Variants in APOL5 observed in about 807,000 individuals in gnomAD.
The protein encoded by APOL5 is apolipoprotein L5, also known as apolipoprotein L, 5.
In APOL5, 29 loss-of-function variants were observed where a neutral mutation model predicts 35.5. The observed-to-expected ratio is 0.82, with a 90% CI of 0.61 to 1.11. The LOEUF (loss-of-function observed/expected upper bound fraction) is 1.11. Among genes scored for constraint, APOL5 ranks in the 50% most tolerant of loss-of-function variants. The pLI is 0.00. For synonymous variants in APOL5, 188 were observed against 200.2 expected (o/e 0.94, Z 0.51); for missense variants, 514 against 530.4 (o/e 0.97, Z 0.30).
rs1569151552 is a variant in APOL5 at position 35,720,556 on chromosome 22, G to A, written c.56-12G>A. On this transcript the variant is annotated splice_polypyrimidine_tract_variant and intron_variant, in intron 1 of 4. Transcript: ENST00000249044. ...TCAAGAAGAAATGTCCCTGATCCTT[G>A]TCCATCTCCAGGCTTGGGAGAAGGT... The A allele has an allele frequency of 6.2e-7, 1 of 1,613,342 alleles. No individual in the cohort carries two copies. Among genetic ancestry groups the A allele is most frequent in the Non-Finnish European group, 8.5e-7 (1 of 1,179,522 alleles).
In APOL5 at chr22:35,717,915, A is replaced by G. The variant is rs1434744050; in HGVS notation, c.44A>G (p.Lys15Arg). The change falls in exon 1 of 5, where the codon AAG (lysine) becomes AGG (arginine). Residue 15 changes from lysine to arginine, a missense_variant. By Grantham distance (26) the Lys-to-Arg change is conservative. Transcript: ENST00000249044. ...GGAAATTTGCAAGTTCCCGGTTCCA[A>G]GGTGTTACCTGGTAAGTTCTTTTAA... Reference protein sequence around the residue: ...KQGNLQVPGSKVLPGLGEGCK... With the variant: ...KQGNLQVPGSRVLPGLGEGCK... 1 of 1,591,568 alleles carries G rather than the reference A, an allele frequency of 6.3e-7. No homozygotes were observed. The highest frequency in any genetic ancestry group is 8.6e-7 in the Non-Finnish European group (1 of 1,169,248).
chr22:35,709,773 T>C, the APOL5 span, among the ~76,000 whole-genome samples: 3 of 152,182 alleles, frequency 2.0e-5, no homozygotes, highest in Admixed American at 6.5e-5. Flanking sequence ...CTGTCTTCTA[T>C]ATCTTTTTTT....
upstream of APOL5, chr22:35,717,797 A>T: frequency 1.1e-6 from 1 of 919,102 alleles, no homozygotes; most frequent in Non-Finnish European, 1.5e-6. Flanking sequence ...ACTGGGAGAG[A>T]CAGGTTTCAG....
upstream of APOL5, among the ~76,000 whole-genome samples, chr22:35,717,236 AT>A (rs202202252): frequency 0.033 from 1,393 of 42,768 alleles, 51 homozygotes; most frequent in African/African-American, 0.24. Flanking sequence ...AAAAAAAAAA[AT>A]ATATATATAT....
intron 2 of APOL5, among the ~76,000 whole-genome samples, 155 bp downstream of exon 2, chr22:35,720,809 G>A (rs921081646): frequency 2.6e-5 from 4 of 152,156 alleles, no homozygotes; most frequent in African/African-American, 7.2e-5. Context: ...GCAGTGGCAC[G>A]ATCTCGGCTC....
chr22:35,728,362 T>C (rs964101397), intron 3 of APOL5, among the ~76,000 whole-genome samples: 5 of 152,290 alleles, frequency 3.3e-5, no homozygotes, highest in Non-Finnish European at 7.4e-5. Flanking sequence ...TAGCTGGGAC[T>C]ACAGGCGCCC....
At chr22:35,727,623 C>T (rs868096651) in intron 3 of APOL5, among the ~76,000 whole-genome samples, 1 of 152,102 alleles carries the variant, frequency 6.6e-6, no homozygotes, top group South Asian at 2.1e-4. Context: ...GCCACAAGAT[C>T]AGATGAGCCA....
chr22:35,720,439 G>T, intron 1 of APOL5, 129 bp from the exon 2 acceptor site: 1 of 654,756 alleles, frequency 1.5e-6, no homozygotes, highest in Non-Finnish European at 2.6e-6. Context: ...TAAGATTTTT[G>T]TTGTATTCTT....
Position 35,720,497 on chromosome 22 carries a change from G to A in APOL5, c.56-71G>A, listed in dbSNP as rs547896994. On this transcript the variant is annotated intron_variant, in intron 1 of 4. Coordinates refer to ENST00000249044, the MANE Select transcript of APOL5 (RefSeq NM_030642.1). ...TTGTAATTAGACAGCCAACTTTCCC[G>A]GAGCACTGTTATGTCTTTTCGGGCT... is the stretch of plus-strand genomic sequence containing the variant. 2.4e-4 allele frequency: 328 copies of A among 1,364,030 alleles called. 3 individuals are homozygous for A. The South Asian group carries it at 2.7e-3, about 11-fold the overall frequency. The allele number at this position is 1,364,030 out of a possible 1,614,324, so 84.5% of individuals were successfully genotyped here. A position where few individuals can be genotyped will look rare whatever the true frequency, so the allele number is the denominator to read the frequency against.
intron 2 of APOL5, 103 bp downstream of exon 2, chr22:35,720,757 T>C (rs1926944248): frequency 1.2e-6 from 1 of 854,590 alleles, no homozygotes; most frequent in South Asian, 1.6e-5. Flanking sequence ...GGTTTTGTTT[T>C]GTTTTGAGAC....
At chr22:35,717,977 T>G in intron 1 of APOL5, 51 bp downstream of exon 1, 1 of 1,451,788 alleles carries the variant, frequency 6.9e-7, no homozygotes. Flanking sequence ...GTTGTACAAA[T>G]TGTCCCAGAA....
the APOL5 span, among the ~76,000 whole-genome samples, chr22:35,710,525 G>A: frequency 6.6e-5 from 10 of 151,230 alleles, no homozygotes; most frequent in Non-Finnish European, 1.2e-4. Context: ...ATATATATTC[G>A]TTTTAATTGT....
chr22:35,714,408 G>A (rs1926679537), upstream of APOL5, among the ~76,000 whole-genome samples: 2 of 152,212 alleles, frequency 1.3e-5, no homozygotes, highest in Non-Finnish European at 2.9e-5. Flanking sequence ...CTGTTATCTG[G>A]TTGTGTGGTT....
rs748295040 is a variant in APOL5 at position 35,717,876 on chromosome 22, C to A, written c.5C>A (p.Pro2Gln). MPCGKQGNLQVP... is the reference protein window; with the variant it reads MQCGKQGNLQVP... Reference sequence around the variant, plus strand: ...AAATTTTAAAAAATCTAAAGCATGCCATGTGGCAAACAAGGAAATTTGCAA... The same window carrying A: ...AAATTTTAAAAAATCTAAAGCATGCAATGTGGCAAACAAGGAAATTTGCAA... The change falls in exon 1 of 5, where the codon CCA becomes CAA. Residue 2 changes from proline to glutamine, a missense_variant. Physicochemically the swap from Pro to Gln is moderately conservative, Grantham distance 76. This residue lies in a region of APOL5 where 254 missense variants were observed against 254.7 expected (regional missense o/e 1.00). Coordinates refer to ENST00000249044, the MANE Select transcript of APOL5 (RefSeq NM_030642.1). 2 of 1,575,020 alleles carry A rather than the reference C, an allele frequency of 1.3e-6. No homozygotes were observed. Among genetic ancestry groups the A allele is most frequent in the East Asian group, 2.3e-5 (1 of 43,506 alleles).
chr22:35,729,034 A>T, intron 4 of APOL5, 130 bp downstream of exon 4: 1 of 1,071,114 alleles, frequency 9.3e-7, no homozygotes, highest in Non-Finnish European at 1.3e-6. Context: ...CTACCTTTCC[A>T]TCCGGCCACC....
chr22:35,723,944 G>A (rs1392136437), intron 2 of APOL5, among the ~76,000 whole-genome samples: 1 of 152,148 alleles, frequency 6.6e-6, no homozygotes, highest in Non-Finnish European at 1.5e-5. Flanking sequence ...GCAATAGAGT[G>A]AGACTCCATC....
At chr22:35,717,957 C>A (rs568782885) in intron 1 of APOL5, 31 bp downstream of exon 1, 2 of 1,522,852 alleles carry the variant, frequency 1.3e-6, no homozygotes, top group African/African-American at 1.4e-5. Context: ...AGAAAACAAG[C>A]AATTCTCACG....
At chr22:35,727,622 T>C (rs1927217000) in intron 3 of APOL5, among the ~76,000 whole-genome samples, 1 of 151,966 alleles carries the variant, frequency 6.6e-6, no homozygotes, top group African/African-American at 2.4e-5. Context: ...GGCCACAAGA[T>C]CAGATGAGCC....
intron 3 of APOL5, among the ~76,000 whole-genome samples, chr22:35,728,329 T>C (rs1489145689): frequency 6.6e-6 from 1 of 152,234 alleles, no homozygotes; most frequent in Non-Finnish European, 1.5e-5. Flanking sequence ...GTTCACGCCA[T>C]TCTCCTGCCT....
Sources: allele counts gnomAD v4.1 joint callset (sites outside exome capture counted in the v4.1 genomes callset), GRCh38; gene constraint gnomAD v4.1.1; regional missense constraint gnomAD v4.1.1; transcripts MANE v1.5; gene names NCBI Gene and HGNC (gene_info 2026-07-23, HGNC 2026-07-21).